Variants in NOL7 observed in about 807,000 individuals in gnomAD.
NOL7 encodes the protein U3 small nucleolar RNA-associated protein NOL7.
A neutral mutation model predicts 38.4 loss-of-function variants in NOL7; 36 were observed. That is an observed-to-expected ratio of 0.94 (90% CI 0.72 to 1.24). The LOEUF (loss-of-function observed/expected upper bound fraction) is 1.24, where lower values mean the gene tolerates loss of function less well. Among genes scored for constraint, NOL7 ranks in the 50% most tolerant of loss-of-function variants. The pLI is 0.00. For missense variants in NOL7, 350 were observed against 315.1 expected (o/e 1.11, Z -0.84); for synonymous variants, 142 against 126.5 (o/e 1.12, Z -0.82).
chr6:13,623,382 A>G (rs888455510), downstream of NOL7, among the ~76,000 whole-genome samples: 2 of 152,242 alleles, frequency 1.3e-5, no homozygotes, highest in Non-Finnish European at 2.9e-5. Flanking sequence ...CTCTTGGTTC[A>G]GAGGATGCAA....
rs547701609 is a variant in NOL7 at position 13,615,853 on chromosome 6, C to T, written c.327+81C>T. On this transcript the variant is annotated intron_variant, in intron 2 of 7. Transcript: ENST00000451315. ...CTATGGTGGATGTAATTTGGGTTGG[C>T]AGGATATTGGAGTGGGGAAACAGTC... 4.3e-6 allele frequency: 6 copies of T among 1,402,000 alleles called. No homozygotes were observed. The South Asian group carries it at 5.4e-5, about 13-fold the overall frequency. 86.8% of individuals were successfully genotyped at this position (1,402,000 alleles called of 1,614,324 possible). A position where few individuals can be genotyped will look rare whatever the true frequency, so the allele number is the denominator to read the frequency against.
intron 2 of NOL7, among the ~76,000 whole-genome samples, chr6:13,616,170 GAC>G (rs1421389128): frequency 1.3e-5 from 2 of 152,190 alleles, no homozygotes; most frequent in Non-Finnish European, 2.9e-5. Flanking sequence ...TCTGATACTC[GAC>G]ACAGAGAGCT....
At chr6:13,631,883 GA>G (rs751776613) in intron 8 of NOL7, among the ~76,000 whole-genome samples, 9 of 152,130 alleles carry the variant, frequency 5.9e-5, no homozygotes, top group Non-Finnish European at 5.9e-5. Flanking sequence ...TTCTGGCCAT[GA>G]AAAGTGACCC....
intron 5 of NOL7, among the ~76,000 whole-genome samples, chr6:13,618,704 A>G (rs1455856634): frequency 6.6e-6 from 1 of 152,166 alleles, no homozygotes; most frequent in African/African-American, 2.4e-5. Flanking sequence ...AGCCTAGGCA[A>G]CATGGTAAAA....
At chr6:13,628,272 C>G (rs1014549081) in intron 8 of NOL7, among the ~76,000 whole-genome samples, 2 of 152,150 alleles carry the variant, frequency 1.3e-5, no homozygotes, top group Admixed American at 1.3e-4. Context: ...GTTCAACATA[C>G]AGCTGTCAGA....
In NOL7 at chr6:13,616,457, C is replaced by A. The variant is rs1371609043; in HGVS notation, c.328-6C>A. The A allele has an allele frequency of 6.2e-7, 1 of 1,601,516 alleles. No homozygotes were observed. On this transcript the variant is annotated splice_polypyrimidine_tract_variant and splice_region_variant and intron_variant, in intron 2 of 7. Coordinates refer to ENST00000451315, the MANE Select transcript of NOL7 (RefSeq NM_016167.5). ...CTATTAATTTTAAACGTTTTCATTC[C>A]AAAAGAAAAGAAAACTCCTTCCAGA... is the stretch of plus-strand genomic sequence containing the variant.
intron 8 of NOL7, among the ~76,000 whole-genome samples, chr6:13,631,282 G>C (rs987141289): frequency 1.3e-5 from 2 of 152,148 alleles, no homozygotes; most frequent in African/African-American, 4.8e-5. Context: ...ATCTCAGCTA[G>C]GGAAAATACA....
chr6:13,627,999 G>A (rs1764668976), intron 8 of NOL7, among the ~76,000 whole-genome samples: 1 of 152,174 alleles, frequency 6.6e-6, no homozygotes, highest in African/African-American at 2.4e-5. Context: ...CTACACTGCA[G>A]TGTTTAAAAA....
At chr6:13,625,577 A>C, downstream of NOL7, 2 of 944,678 alleles carry the variant, frequency 2.1e-6, no homozygotes, top group Non-Finnish European at 3.3e-6. Context: ...ACCAAAGTGT[A>C]AATGCCAGTA....
Position 13,621,258 on chromosome 6 carries a change from G to GGTGA in NOL7, c.*434_*437dup, listed in dbSNP as rs1764436233. On this transcript the variant is annotated 3_prime_UTR_variant, in exon 8 of 8. Coordinates refer to ENST00000451315, the MANE Select transcript of NOL7 (RefSeq NM_016167.5). ...AACCAGTCTGGGGATTTGCTTGCCT[G>GGTGA]GTGAGTCTCATATGCCATATTATGA... 1 of 153,352 alleles carries GGTGA rather than the reference G, an allele frequency of 6.5e-6. No homozygotes were observed. Among genetic ancestry groups the GGTGA allele is most frequent in the Non-Finnish European group, 1.5e-5 (1 of 68,896 alleles). 9.5% of individuals were successfully genotyped at this position (153,352 alleles called of 1,614,324 possible). A position where few individuals can be genotyped will look rare whatever the true frequency, so the allele number is the denominator to read the frequency against.
At chr6:13,624,324 G>A (rs888041202), downstream of NOL7, among the ~76,000 whole-genome samples, 1 of 152,130 alleles carries the variant, frequency 6.6e-6, no homozygotes, top group African/African-American at 2.4e-5. Flanking sequence ...CTCATTGCAA[G>A]TCTCCCTATC....
At chr6:13,617,244 T>TGC (rs1764316815) in intron 3 of NOL7, among the ~76,000 whole-genome samples, 1 of 149,378 alleles carries the variant, frequency 6.7e-6, no homozygotes, top group African/African-American at 2.6e-5. Context: ...CCTTCTCATT[T>TGC]GCCCCCCCCC....
intron 8 of NOL7, among the ~76,000 whole-genome samples, chr6:13,627,343 T>G (rs1178412216): frequency 1.3e-5 from 2 of 151,978 alleles, no homozygotes; most frequent in African/African-American, 4.8e-5. Context: ...CATTATTTTG[T>G]TTTTGGCCGG....
In NOL7 at chr6:13,619,524, G is replaced by A. The variant is rs78809821; in HGVS notation, c.501-684G>A. Among the ~76,000 whole-genome samples the A allele has an allele frequency of 6.6e-3, 999 of 152,352 alleles. 7 individuals carry two copies. Among genetic ancestry groups the A allele is most frequent in the African/African-American group, 0.022 (935 of 41,578 alleles). On this transcript the variant is annotated intron_variant, in intron 5 of 7. Transcript: ENST00000451315. Reference sequence around the variant, plus strand: ...AAGACCATGAGAGGAATTCATCACAGTATGTTGGACTTTTCATTTGGAAAA... The same window carrying A: ...AAGACCATGAGAGGAATTCATCACAATATGTTGGACTTTTCATTTGGAAAA...
At chr6:13,622,768 G>A (rs984331711), downstream of NOL7, among the ~76,000 whole-genome samples, 2 of 152,186 alleles carry the variant, frequency 1.3e-5, no homozygotes, top group East Asian at 3.8e-4. Context: ...TATTAACTAT[G>A]ATGGGAAAGG....
At chr6:13,632,302 G>T in intron 8 of NOL7, 2 of 1,508,290 alleles carry the variant, frequency 1.3e-6, no homozygotes, top group Non-Finnish European at 1.8e-6. Flanking sequence ...ACACTGCTCA[G>T]TGTTTCACAA....
chr6:13,630,395 A>G (rs747155716), intron 8 of NOL7, among the ~76,000 whole-genome samples: 4 of 152,236 alleles, frequency 2.6e-5, no homozygotes, highest in Non-Finnish European at 5.9e-5. Context: ...AATCAAACAC[A>G]AAGTAAGCTA....
At chr6:13,631,247 G>A (rs1230794498) in intron 8 of NOL7, among the ~76,000 whole-genome samples, 1 of 152,172 alleles carries the variant, frequency 6.6e-6, no homozygotes, top group Non-Finnish European at 1.5e-5. Flanking sequence ...GAAGTTCAAA[G>A]TATGATAAAT....
At chr6:13,617,713 A>G in intron 3 of NOL7, 57 bp from the exon 4 acceptor site, 1 of 1,526,576 alleles carries the variant, frequency 6.6e-7, no homozygotes, top group Non-Finnish European at 9.1e-7. Context: ...ATAATATAAC[A>G]TGTTTTGAGT....
Sources: gnomAD v4.1 joint callset for allele counts (sites outside exome capture counted in the v4.1 genomes callset) on GRCh38, gnomAD v4.1.1 for gene constraint, MANE v1.5 for transcripts, NCBI Gene and HGNC (gene_info 2026-07-23, HGNC 2026-07-21) for gene names.